The following ELAVL3 variants were observed in gnomAD, a reference collection of about 807,000 sequenced individuals.
ELAVL3 encodes ELAV like RNA binding protein 3.
ELAVL3 carries 8 observed loss-of-function variants against 34.2 expected under a neutral mutation model. That is an observed-to-expected ratio of 0.23 (90% CI 0.14 to 0.42). The LOEUF (loss-of-function observed/expected upper bound fraction) is 0.42. Among genes scored for constraint, ELAVL3 ranks in the 10% least tolerant of loss-of-function variants. ELAVL3 has a pLI of 1.00. For missense variants in ELAVL3, 273 were observed against 518.8 expected (o/e 0.53, Z 4.60); for synonymous variants, 209 against 222.1 (o/e 0.94, Z 0.53).
At position 11,458,012 on chromosome 19, in the gene ELAVL3, A is replaced by G; in HGVS notation, c.713+49T>C. On this transcript the variant is annotated intron_variant, in intron 5 of 6. Coordinates refer to ENST00000359227, the MANE Select transcript of ELAVL3 (RefSeq NM_001420.4). This position sits in a 1 kb window ranked among gnomAD's most constrained non-coding sequence, Gnocchi z 7.3. Reference sequence around the variant, plus strand: ...AGGAATGGGGTTCAGGGAGGGTTGCAAGCTTGGGGGCACCCGGCCTGGGGC... The same window carrying G: ...AGGAATGGGGTTCAGGGAGGGTTGCGAGCTTGGGGGCACCCGGCCTGGGGC... 6.3e-7 allele frequency: 1 copy of G among 1,581,690 alleles called. No homozygotes were observed. Among genetic ancestry groups the G allele is most frequent in the East Asian group, 2.2e-5 (1 of 44,706 alleles).
chr19:11,461,484 CTTCCTTCCTTCA>C (rs1379456266), intron 3 of ELAVL3, among the ~76,000 whole-genome samples: 4 of 139,536 alleles, frequency 2.9e-5, no homozygotes, highest in Admixed American at 7.3e-5. Context: ...CCCTCCCTTC[CTTCCTTCCTTCA>C]TTCCTTCCTT....
intron 3 of ELAVL3, among the ~76,000 whole-genome samples, chr19:11,461,389 A>T (rs946407434): frequency 2.0e-5 from 3 of 152,074 alleles, no homozygotes; most frequent in African/African-American, 4.8e-5. Context: ...GTCACCAGGG[A>T]CTGGGGAAGA....
intron 3 of ELAVL3, among the ~76,000 whole-genome samples, chr19:11,465,120 CACAT>C (rs1311656641): frequency 3.0e-5 from 3 of 100,474 alleles, no homozygotes; most frequent in African/African-American, 3.6e-5. Context: ...ATACACCACA[CACAT>C]ACACACCACA....
In ELAVL3 at chr19:11,480,553, A is replaced by G; in HGVS notation, c.9+47T>C. ...CCCAATCTCCGCGGAGCCTGGGCCC[A>G]ACTCCTCCCCGTCCCGATTCCCTTT... On this transcript the variant is annotated intron_variant, in intron 1 of 6. Coordinates refer to ENST00000359227, the MANE Select transcript of ELAVL3 (RefSeq NM_001420.4). The surrounding 1 kb of genome is among the most constrained non-coding windows in gnomAD (Gnocchi z 6.8). 7.1e-7 allele frequency: 1 copy of G among 1,410,952 alleles called. No homozygotes were observed. Among genetic ancestry groups the G allele is most frequent in the Non-Finnish European group, 9.3e-7 (1 of 1,069,910 alleles). The allele number at this position is 1,410,952 out of a possible 1,614,324, so 87.4% of individuals were successfully genotyped here. A position where few individuals can be genotyped will look rare whatever the true frequency, so the allele number is the denominator to read the frequency against.
intron 1 of ELAVL3, among the ~76,000 whole-genome samples, chr19:11,470,241 G>T (rs1488507661): frequency 1.3e-5 from 2 of 152,178 alleles, no homozygotes; most frequent in African/African-American, 4.8e-5. Context: ...TGTAATCCCA[G>T]CTACTCGGGA....
chr19:11,476,817 T>A (rs928566223), intron 1 of ELAVL3, among the ~76,000 whole-genome samples: 6 of 152,016 alleles, frequency 3.9e-5, no homozygotes, highest in African/African-American at 1.2e-4. Flanking sequence ...GAGAATCACT[T>A]GAACCTGGGA....
chr19:11,473,274 G>A (rs1031592243), intron 1 of ELAVL3, among the ~76,000 whole-genome samples: 24 of 148,086 alleles, frequency 1.6e-4, no homozygotes, highest in Admixed American at 7.4e-4. Context: ...CTGAGGCAGG[G>A]GAATGGTGTG....
chr19:11,465,347 CGT>C (rs369944566), intron 3 of ELAVL3, among the ~76,000 whole-genome samples: 13,053 of 150,346 alleles, frequency 0.087, 818 homozygotes, highest in African/African-American at 0.17. Context: ...CACACACATG[CGT>C]ACACACACAC....
intron 1 of ELAVL3, among the ~76,000 whole-genome samples, chr19:11,471,224 C>G (rs1348718586): frequency 6.7e-6 from 1 of 148,504 alleles, no homozygotes; most frequent in African/African-American, 2.5e-5. Context: ...GCAGGAGAAA[C>G]GCTTGAACCA....
rs1471001673 is a variant in ELAVL3 at position 11,480,028 on chromosome 19, G to A, written c.9+572C>T. On this transcript the variant is annotated intron_variant, in intron 1 of 6. Transcript: ENST00000359227. This position sits in a 1 kb window ranked among gnomAD's most constrained non-coding sequence, Gnocchi z 6.8. ...GAAGCGCCGAGAAACAAAGGGACGC[G>A]GCAGCAGCGGCGGCGGGCCCGCGGG... 6.6e-6 allele frequency among the ~76,000 whole-genome samples: 1 copy of A among 151,386 alleles called. No individual in the cohort carries two copies. The highest frequency in any genetic ancestry group is 1.5e-5 in the Non-Finnish European group (1 of 67,718).
intron 3 of ELAVL3, among the ~76,000 whole-genome samples, chr19:11,462,855 G>C (rs1160712902): frequency 6.7e-6 from 1 of 149,894 alleles, no homozygotes; most frequent in African/African-American, 2.5e-5. Flanking sequence ...CCAGCTACAC[G>C]GGAGGCTGAG....
intron 1 of ELAVL3, among the ~76,000 whole-genome samples, chr19:11,476,592 C>T (rs567609409): frequency 6.6e-6 from 1 of 151,572 alleles, no homozygotes; most frequent in South Asian, 2.1e-4. Flanking sequence ...GTTGCATAGG[C>T]GGCAAATGGT....
intron 1 of ELAVL3, among the ~76,000 whole-genome samples, chr19:11,479,226 G>A (rs1971320547): frequency 6.6e-6 from 1 of 152,172 alleles, no homozygotes. Flanking sequence ...AACAGCACGA[G>A]GCCCAGAGAG....
Position 11,466,897 on chromosome 19 carries a change from T to C in ELAVL3, c.10-70A>G. 7.4e-7 allele frequency: 1 copy of C among 1,350,790 alleles called. No individual in the cohort carries two copies. The highest frequency in any genetic ancestry group is 1.3e-5 in the South Asian group (1 of 77,540). 83.7% of individuals were successfully genotyped at this position (1,350,790 alleles called of 1,614,324 possible). On this transcript the variant is annotated intron_variant, in intron 1 of 6. Transcript: ENST00000359227. This position sits in a 1 kb window ranked among gnomAD's most constrained non-coding sequence, Gnocchi z 5.0. ...CAGGGGCCTGCGGCAATGAGTGGCT[T>C]GGTGGTGATGAATTAGCCATGTCTT... is the stretch of plus-strand genomic sequence containing the variant.
At chr19:11,465,064 TCCCACACAC>T (rs1376068674) in intron 3 of ELAVL3, among the ~76,000 whole-genome samples, 5 of 24,820 alleles carry the variant, frequency 2.0e-4, no homozygotes, top group Admixed American at 4.5e-4. Flanking sequence ...CATACACACA[TCCCACACAC>T]CCCACACAGA....
Position 11,466,137 on chromosome 19 carries a change from G to A in ELAVL3, c.333+35C>T, listed in dbSNP as rs1568383517. On this transcript the variant is annotated intron_variant, in intron 3 of 6. Coordinates refer to ENST00000359227, the MANE Select transcript of ELAVL3 (RefSeq NM_001420.4). The surrounding 1 kb of genome is among the most constrained non-coding windows in gnomAD (Gnocchi z 5.0). ...GGGTTGGGGACAGTCAGTTGGGGTG[G>A]GCGGTCATGGGGGATTGGAGAAGGA... 1.3e-6 allele frequency: 2 copies of A among 1,593,002 alleles called. No homozygotes were observed. Among genetic ancestry groups the A allele is most frequent in the Non-Finnish European group, 1.7e-6 (2 of 1,161,586 alleles).
intron 1 of ELAVL3, among the ~76,000 whole-genome samples, chr19:11,475,076 C>T (rs1438838121): frequency 3.3e-5 from 5 of 152,130 alleles, no homozygotes; most frequent in African/African-American, 7.2e-5. Flanking sequence ...TCCACTGCCT[C>T]GGCCTCCCAA....
chr19:11,461,312 G>C (rs1970878899), intron 3 of ELAVL3, among the ~76,000 whole-genome samples: 1 of 152,184 alleles, frequency 6.6e-6, no homozygotes, highest in South Asian at 2.1e-4. Flanking sequence ...TTGTTTCATT[G>C]TGTGTTTATC....
At chr19:11,471,890 C>T (rs754732093) in intron 1 of ELAVL3, among the ~76,000 whole-genome samples, 6 of 152,154 alleles carry the variant, frequency 3.9e-5, no homozygotes, top group Non-Finnish European at 7.3e-5. Flanking sequence ...ATATGAAGGG[C>T]TATGTAGAGG....
Sources: gnomAD v4.1 joint callset for allele counts (sites outside exome capture counted in the v4.1 genomes callset) on GRCh38, gnomAD v4.1.1 for gene constraint, Gnocchi (gnomAD v3.1) non-coding constraint, MANE v1.5 for transcripts, NCBI Gene and HGNC (gene_info 2026-07-23, HGNC 2026-07-21) for gene names.